BCAR3: variants seen among roughly 807,000 people sequenced by gnomAD.
The protein encoded by BCAR3 is BCAR3 adaptor protein, NSP family member.
Under a neutral mutation model 80.1 loss-of-function variants are expected in BCAR3, and 37 were observed. The observed-to-expected ratio is 0.46, with a 90% confidence interval of 0.36 to 0.61. The LOEUF is 0.61. Among genes scored for constraint, BCAR3 ranks in the 20% least tolerant of loss-of-function variants. BCAR3 has a pLI of 0.00. For missense variants in BCAR3, 978 were observed against 1,068.2 expected (o/e 0.92, Z 1.18); for synonymous variants, 389 against 418.9 (o/e 0.93, Z 0.87).
At chr1:93,700,346 C>A (rs1400888037) in intron 3 of BCAR3, among the ~76,000 whole-genome samples, 2 of 152,134 alleles carry the variant, frequency 1.3e-5, no homozygotes, top group Admixed American at 1.3e-4. Context: ...GGGCACACCC[C>A]TACACCTGGC....
intron 2 of BCAR3, among the ~76,000 whole-genome samples, chr1:93,770,742 G>T (rs923699264): frequency 6.6e-6 from 1 of 152,172 alleles, no homozygotes; most frequent in East Asian, 1.9e-4. Context: ...TTACTAGGGA[G>T]GGAGGAAAGA....
In BCAR3 at chr1:93,591,168, TAAAA is replaced by T. The variant is rs35143036; in HGVS notation, c.486+1093_486+1096del. 1.5e-3 allele frequency among the ~76,000 whole-genome samples: 97 copies of T among 66,324 alleles called. 1 individual carries two copies. Among genetic ancestry groups the T allele is most frequent in the African/African-American group, 6.8e-3 (81 of 11,850 alleles). The allele number at this position is 66,324 out of a possible 152,430, so 43.5% of individuals were successfully genotyped here. A position where few individuals can be genotyped will look rare whatever the true frequency, so the allele number is the denominator to read the frequency against. On this transcript the variant is annotated intron_variant, in intron 4 of 11. Coordinates refer to ENST00000260502, the MANE Select transcript of BCAR3 (RefSeq NM_003567.4). ...GATTGTGCCAAGAAATCTACTACAT[TAAAA>T]AAAAAAAAAAAAAAAAAAAAGCCTG...
intron 3 of BCAR3, among the ~76,000 whole-genome samples, chr1:93,627,525 A>G (rs562246273): frequency 3.3e-4 from 50 of 152,366 alleles, no homozygotes; most frequent in African/African-American, 1.2e-3. Flanking sequence ...ACAAAACAAC[A>G]GAGTGAACAC....
intron 3 of BCAR3, among the ~76,000 whole-genome samples, chr1:93,639,965 T>A (rs570880399): frequency 4.6e-5 from 7 of 152,240 alleles, no homozygotes; most frequent in African/African-American, 1.7e-4. Flanking sequence ...GATGCTTGTT[T>A]TTTTCGGCCA....
intron 2 of BCAR3, among the ~76,000 whole-genome samples, chr1:93,728,051 A>G (rs943111223): frequency 9.2e-5 from 14 of 152,234 alleles, no homozygotes; most frequent in African/African-American, 3.4e-4. Flanking sequence ...TGGGAGAGGC[A>G]AGGAAGGATT....
upstream of BCAR3, among the ~76,000 whole-genome samples, chr1:93,686,740 G>T (rs1321303547): frequency 6.6e-6 from 1 of 152,196 alleles, no homozygotes; most frequent in Non-Finnish European, 1.5e-5. Context: ...GTCAAAGCTG[G>T]AGAACAGCTC....
rs1649835479 is a variant in BCAR3 at position 93,706,603 on chromosome 1, C to T, written c.-62-461G>A. Among the ~76,000 whole-genome samples the T allele has an allele frequency of 2.0e-5, 3 of 152,280 alleles. No individual in the cohort carries two copies. The South Asian group carries it at 6.2e-4, about 32-fold the overall frequency. ...TGTGCCCTGGGACAAGCTAGTCAGC[C>T]TGTGACTCAGTTTCCTCATCTGCAA... On this transcript the variant is annotated intron_variant, in intron 2 of 13. Transcript: ENST00000370244.
chr1:93,562,353 C>G lies in BCAR3; in HGVS notation c.2366G>C (p.Gly789Ala), dbSNP rs143568257. 3.2e-4 allele frequency: 519 copies of G among 1,614,080 alleles called. No homozygotes were observed. The highest frequency in any genetic ancestry group is 4.7e-4 in the South Asian group (43 of 91,066). Reference protein sequence around the residue: ...KTEFQMRLLWGSKGAQVNQTE... With the variant: ...KTEFQMRLLWASKGAQVNQTE... ...CTGATTGACTTGTGCACCTTTGCTG[C>G]CCCATAGCAATCGCATTTGAAATTC... The change falls in exon 12 of 12, where the codon GGC becomes GCC. Residue 789 changes from glycine (G) to alanine (A), a missense_variant. Coordinates refer to ENST00000260502, the MANE Select transcript of BCAR3 (RefSeq NM_003567.4).
chr1:93,790,651 A>G (rs988797056), intron 2 of BCAR3, among the ~76,000 whole-genome samples: 4 of 83,524 alleles, frequency 4.8e-5, no homozygotes, highest in East Asian at 1.0e-3. Flanking sequence ...TTTTTTCTTA[A>G]TTTTTTTTTT....
At chr1:93,679,289 G>A (rs1202039752) in intron 1 of BCAR3, among the ~76,000 whole-genome samples, 3 of 152,228 alleles carry the variant, frequency 2.0e-5, no homozygotes, top group Non-Finnish European at 4.4e-5. Flanking sequence ...TCAGATAAGA[G>A]TCACTGTATC....
At chr1:93,829,071 A>G (rs1161571244) in intron 2 of BCAR3, among the ~76,000 whole-genome samples, 1 of 152,164 alleles carries the variant, frequency 6.6e-6, no homozygotes, top group African/African-American at 2.4e-5. Flanking sequence ...AAGAGAGAGA[A>G]AAAGCTTCCT....
chr1:93,593,380 G>A (rs1053845389), intron 3 of BCAR3, among the ~76,000 whole-genome samples: 2 of 151,818 alleles, frequency 1.3e-5, no homozygotes, highest in Admixed American at 6.6e-5. Flanking sequence ...TTTTTTTTGA[G>A]ACAGGGTCTC....
intron 7 of BCAR3, among the ~76,000 whole-genome samples, chr1:93,580,313 C>T (rs867748450): frequency 3.0e-4 from 46 of 152,054 alleles, no homozygotes; most frequent in African/African-American, 7.7e-4. Context: ...TAAGCCCTGA[C>T]GTCTGAAGCT....
chr1:93,772,608 A>T, intron 2 of BCAR3, among the ~76,000 whole-genome samples: 1 of 150,792 alleles, frequency 6.6e-6, no homozygotes, highest in African/African-American at 2.4e-5. Flanking sequence ...TGTTTTCTTT[A>T]TTTATTGTTT....
chr1:93,717,088 C>T (rs543030042), intron 2 of BCAR3, among the ~76,000 whole-genome samples: 1 of 152,336 alleles, frequency 6.6e-6, no homozygotes, highest in South Asian at 2.1e-4. Context: ...AGAAACCGCA[C>T]AGTATCTACT....
intron 2 of BCAR3, among the ~76,000 whole-genome samples, chr1:93,820,446 C>T (rs1654171546): frequency 6.6e-6 from 1 of 152,188 alleles, no homozygotes; most frequent in Non-Finnish European, 1.5e-5. Flanking sequence ...TGGGGGTTCC[C>T]CAAATTCCCT....
chr1:93,584,564 G>A lies in BCAR3; in HGVS notation c.930-443C>T, dbSNP rs559666275. On this transcript the variant is annotated intron_variant, in intron 5 of 11. Transcript: ENST00000260502. ...CCATAGTGTTGCAGTTAGGAAGGAA[G>A]CTGTGGGGAAACTTCCATTTTGGTG... Among the ~76,000 whole-genome samples the A allele has an allele frequency of 7.9e-4, 120 of 152,352 alleles. 1 individual carries two copies. The South Asian group carries it at 0.024, about 31-fold the overall frequency.
intron 2 of BCAR3, among the ~76,000 whole-genome samples, chr1:93,813,446 T>C (rs1314840505): frequency 6.6e-6 from 1 of 152,192 alleles, no homozygotes; most frequent in African/African-American, 2.4e-5. Context: ...TCTGAAAAAC[T>C]AGGACAGTTT....
intron 2 of BCAR3, among the ~76,000 whole-genome samples, chr1:93,660,634 G>C (rs1281414016): frequency 6.6e-6 from 1 of 152,238 alleles, no homozygotes; most frequent in Non-Finnish European, 1.5e-5. Flanking sequence ...CCAATAAAGA[G>C]TTACTTTCTT....
Sources: allele counts gnomAD v4.1 joint callset (sites outside exome capture counted in the v4.1 genomes callset), GRCh38; gene constraint gnomAD v4.1.1; transcripts MANE v1.5; gene names NCBI Gene and HGNC (gene_info 2026-07-23, HGNC 2026-07-21).